FAM135B: variants seen among roughly 807,000 people sequenced by gnomAD.
The protein encoded by FAM135B is family with sequence similarity 135 member B, also known as protein FAM135B.
FAM135B carries 43 observed loss-of-function variants against 127.7 expected under a neutral mutation model. That is an observed-to-expected ratio of 0.34 (90% CI 0.26 to 0.43). The LOEUF (loss-of-function observed/expected upper bound fraction) is 0.43, where lower values mean the gene tolerates loss of function less well. Among genes scored for constraint, FAM135B ranks in the 20% least tolerant of loss-of-function variants. The probability of loss-of-function intolerance (pLI) is 1.00; values close to 1 mark genes in which losing one functional copy is unlikely to be tolerated. For missense variants in FAM135B, 1,558 were observed against 1,725.6 expected (o/e 0.90, Z 1.72); for synonymous variants, 670 against 665.1 (o/e 1.01, Z -0.11).
intron 12 of FAM135B, among the ~76,000 whole-genome samples, chr8:138,166,705 A>T (rs964159845): frequency 6.6e-6 from 1 of 152,224 alleles, no homozygotes; most frequent in African/African-American, 2.4e-5. Context: ...TCTGAGATAT[A>T]CATACATTTA....
At chr8:138,167,125 C>A (rs1820005679) in intron 12 of FAM135B, among the ~76,000 whole-genome samples, 1 of 152,146 alleles carries the variant, frequency 6.6e-6, no homozygotes. Flanking sequence ...AACACCCAAG[C>A]AGACAGGGGG....
At chr8:138,191,638 G>A (rs973702302) in intron 9 of FAM135B, among the ~76,000 whole-genome samples, 1 of 152,176 alleles carries the variant, frequency 6.6e-6, no homozygotes, top group Non-Finnish European at 1.5e-5. Flanking sequence ...GGGAAGCACT[G>A]GGGGCTTGGG....
At chr8:138,373,772 A>C (rs1831296243) in intron 1 of FAM135B, among the ~76,000 whole-genome samples, 1 of 151,938 alleles carries the variant, frequency 6.6e-6, no homozygotes, top group Admixed American at 6.6e-5. Flanking sequence ...TATGGTCGAG[A>C]CTGTATGTAG....
intron 1 of FAM135B, among the ~76,000 whole-genome samples, chr8:138,390,896 A>G (rs1249008177): frequency 2.6e-5 from 4 of 152,282 alleles, no homozygotes; most frequent in South Asian, 2.1e-4. Flanking sequence ...CCCTTCAGAA[A>G]TGTACACTTT....
At chr8:138,329,051 T>G (rs1232561137) in intron 2 of FAM135B, among the ~76,000 whole-genome samples, 1 of 152,092 alleles carries the variant, frequency 6.6e-6, no homozygotes, top group Non-Finnish European at 1.5e-5. Context: ...TGGGCTACAA[T>G]GACAGGTAAA....
chr8:138,332,125 T>C (rs1290114223), intron 2 of FAM135B, among the ~76,000 whole-genome samples: 1 of 152,170 alleles, frequency 6.6e-6, no homozygotes, highest in Non-Finnish European at 1.5e-5. Flanking sequence ...AGGCTTAGGA[T>C]AGTACATCCC....
At chr8:138,335,660 G>T (rs377214746) in intron 2 of FAM135B, among the ~76,000 whole-genome samples, 1 of 152,162 alleles carries the variant, frequency 6.6e-6, no homozygotes, top group African/African-American at 2.4e-5. Context: ...AATAATGGGA[G>T]ACTTTAACAC....
intron 2 of FAM135B, among the ~76,000 whole-genome samples, chr8:138,348,902 G>A (rs998736997): frequency 7.2e-5 from 11 of 152,242 alleles, no homozygotes; most frequent in African/African-American, 2.7e-4. Context: ...CGTGCCCAGT[G>A]TCCTGGACTT....
intron 1 of FAM135B, among the ~76,000 whole-genome samples, chr8:138,462,626 C>A (rs150662531): frequency 6.6e-6 from 1 of 152,272 alleles, no homozygotes; most frequent in Non-Finnish European, 1.5e-5. Context: ...ATGATTTAAC[C>A]CGAGTAGCTC....
At chr8:138,330,420 C>T (rs1828086864) in intron 2 of FAM135B, among the ~76,000 whole-genome samples, 1 of 152,084 alleles carries the variant, frequency 6.6e-6, no homozygotes, top group Non-Finnish European at 1.5e-5. Context: ...CATGGCAGGC[C>T]CACAAAGAAT....
At chr8:138,391,100 C>T (rs1311650379) in intron 1 of FAM135B, among the ~76,000 whole-genome samples, 1 of 137,788 alleles carries the variant, frequency 7.3e-6, no homozygotes, top group Non-Finnish European at 1.6e-5. Flanking sequence ...GCAGGGGCTG[C>T]CTCCCACCAC....
At chr8:138,155,862 C>A (rs1479838024) in intron 12 of FAM135B, among the ~76,000 whole-genome samples, 1 of 152,072 alleles carries the variant, frequency 6.6e-6, no homozygotes, top group African/African-American at 2.4e-5. Flanking sequence ...TTTTAATACC[C>A]CACTGTCAAT....
intron 7 of FAM135B, among the ~76,000 whole-genome samples, chr8:138,236,002 G>A (rs1385441411): frequency 6.6e-6 from 1 of 152,136 alleles, no homozygotes; most frequent in Non-Finnish European, 1.5e-5. Context: ...GATCTCCACG[G>A]GTGAGCCAAG....
chr8:138,458,130 T>C (rs913766509), intron 1 of FAM135B, among the ~76,000 whole-genome samples: 2 of 152,078 alleles, frequency 1.3e-5, no homozygotes, highest in Non-Finnish European at 2.9e-5. Context: ...CCAGCTTAGG[T>C]GACAGAAAGA....
At chr8:138,138,320 C>T (rs1563671035) in intron 18 of FAM135B, among the ~76,000 whole-genome samples, 1 of 152,226 alleles carries the variant, frequency 6.6e-6, no homozygotes, top group Non-Finnish European at 1.5e-5. Context: ...ACAGAGGGAT[C>T]AGCAGAGTCA....
intron 1 of FAM135B, among the ~76,000 whole-genome samples, chr8:138,494,849 A>AAAAC (rs34328611): frequency 0.11 from 15,839 of 150,002 alleles, 2,801 homozygotes; most frequent in African/African-American, 0.36. Flanking sequence ...AAAAAAAAAA[A>AAAAC]AAACTTAATC....
At chr8:138,475,204 G>C (rs1418306736) in intron 1 of FAM135B, among the ~76,000 whole-genome samples, 4 of 152,132 alleles carry the variant, frequency 2.6e-5, no homozygotes, top group Non-Finnish European at 5.9e-5. Context: ...GCAAGACTCT[G>C]TTGGTTTCTG....
Position 138,151,260 on chromosome 8 carries a change from C to T in FAM135B, c.3215G>A (p.Gly1072Glu), listed in dbSNP as rs2130722234. ...ATGGGTAGAAACAACTCCAAAGGATCCCAAAGGCTGATGGGTGATGGGAAA... is the reference window on the plus strand; with the variant it reads ...ATGGGTAGAAACAACTCCAAAGGATTCCAAAGGCTGATGGGTGATGGGAAA... The part of the protein sequence containing the change: ...TLFPITHQPL[G>E]SFGVVSTHSS... The change falls in exon 13 of 20, where the codon GGA becomes GAA. Residue 1072 changes from glycine to glutamate, a missense_variant. Gly to Glu is a moderately conservative substitution (Grantham distance 98). Coordinates refer to ENST00000395297, the MANE Select transcript of FAM135B (RefSeq NM_015912.4). 1 of 1,610,000 alleles carries T rather than the reference C, an allele frequency of 6.2e-7. No homozygotes were observed. The highest frequency in any genetic ancestry group is 8.5e-7 in the Non-Finnish European group (1 of 1,178,652).
At chr8:138,369,534 A>T (rs938636401) in intron 1 of FAM135B, among the ~76,000 whole-genome samples, 4 of 152,184 alleles carry the variant, frequency 2.6e-5, no homozygotes, top group African/African-American at 9.7e-5. Flanking sequence ...AATCCTCAGA[A>T]CCAACCTCTA....
Sources: allele counts gnomAD v4.1 joint callset (sites outside exome capture counted in the v4.1 genomes callset), GRCh38; gene constraint gnomAD v4.1.1; transcripts MANE v1.5; gene names NCBI Gene and HGNC (gene_info 2026-07-23, HGNC 2026-07-21).